Variants in CELA2B observed in about 807,000 individuals in gnomAD.
CELA2B encodes the protein chymotrypsin like elastase 2B.
Under a neutral mutation model 36.5 loss-of-function variants are expected in CELA2B, and 27 were observed. The observed-to-expected ratio is 0.74, with a 90% CI of 0.55 to 1.02. The LOEUF is 1.02. CELA2B is among the 50% of genes least tolerant of loss of function. The pLI is 0.00. For missense variants in CELA2B, 340 were observed against 347.8 expected (o/e 0.98, Z 0.18); for synonymous variants, 143 against 148.5 (o/e 0.96, Z 0.27).
rs754424208 is a variant in CELA2B at position 15,476,551 on chromosome 1, T to C, written c.129+6T>C. ...CCAACAGCTGGCCCTGGCAGGTGAG[T>C]TGACCACACTGTACTTCTCCCCGTC... is the stretch of plus-strand genomic sequence containing the variant. On this transcript the variant is annotated splice_donor_region_variant and intron_variant, in intron 2 of 7. Coordinates refer to ENST00000375910, the MANE Select transcript of CELA2B (RefSeq NM_015849.3). The C allele has an allele frequency of 2.5e-6, 4 of 1,612,862 alleles. No individual in the cohort carries two copies. Among genetic ancestry groups the C allele is most frequent in the South Asian group, 2.2e-5 (2 of 91,026 alleles).
intron 2 of CELA2B, among the ~76,000 whole-genome samples, chr1:15,476,775 A>G (rs1436536805): frequency 6.6e-6 from 1 of 152,004 alleles, no homozygotes; most frequent in Non-Finnish European, 1.5e-5. Context: ...CTGAAGTCAG[A>G]AGTTTGAGCC....
intron 3 of CELA2B, chr1:15,481,808 T>C: frequency 2.1e-6 from 1 of 468,394 alleles, no homozygotes; most frequent in Non-Finnish European, 4.4e-6. Context: ...TAATAAGCTC[T>C]AGGAGGTGAT....
chr1:15,478,217 T>TATATATATATATATATATATATATATA lies in CELA2B; in HGVS notation c.129+1672_129+1673insATATATATATATATATATATATATATA, dbSNP rs1491212485. The stretch of plus-strand genomic sequence containing the variant: ...AGGCTGAGGCATATATATATATATA[T>TATATATATATATATATATATATATATA]TGGGATATATAGTTTGTTTGTTTGT... On this transcript the variant is annotated intron_variant, in intron 2 of 7. Transcript: ENST00000375910. 2.5e-4 allele frequency among the ~76,000 whole-genome samples: 12 copies of TATATATATATATATATATATATATATA among 48,506 alleles called. 1 individual carries two copies. Among genetic ancestry groups the TATATATATATATATATATATATATATA allele is most frequent in the African/African-American group, 9.2e-4 (12 of 13,068 alleles). 31.8% of individuals were successfully genotyped at this position (48,506 alleles called of 152,430 possible). A position where few individuals can be genotyped will look rare whatever the true frequency, so the allele number is the denominator to read the frequency against.
rs776420298 is a variant in CELA2B at position 15,487,279 on chromosome 1, C to T, written c.640-6C>T. The T allele has an allele frequency of 6.2e-7, 1 of 1,614,066 alleles. No individual in the cohort carries two copies. Among genetic ancestry groups the T allele is most frequent in the South Asian group, 1.1e-5 (1 of 91,080 alleles). ...TTCAACTCCCTATAACTCTGGCCTT[C>T]CTCAGGGAGACTCCGGTGGGCCGCT... is the stretch of plus-strand genomic sequence containing the variant. On this transcript the variant is annotated splice_polypyrimidine_tract_variant and splice_region_variant and intron_variant, in intron 6 of 7. Transcript: ENST00000375910.
Position 15,479,598 on chromosome 1 carries a change from C to T in CELA2B, c.130-1500C>T, listed in dbSNP as rs538812263. Reference sequence around the variant, plus strand: ...GACAATAAACAACTGAATAGGTAAACTAATAACACGCCGGAAAACGAAAGA... The same window carrying T: ...GACAATAAACAACTGAATAGGTAAATTAATAACACGCCGGAAAACGAAAGA... On this transcript the variant is annotated intron_variant, in intron 2 of 7. Coordinates refer to ENST00000375910, the MANE Select transcript of CELA2B (RefSeq NM_015849.3). 6.4e-4 allele frequency among the ~76,000 whole-genome samples: 98 copies of T among 152,220 alleles called. 1 individual carries two copies. The highest frequency in any genetic ancestry group is 1.2e-3 in the Non-Finnish European group (81 of 67,998).
intron 3 of CELA2B, chr1:15,481,730 C>G: frequency 2.1e-6 from 1 of 469,852 alleles, no homozygotes; most frequent in South Asian, 1.6e-5. Flanking sequence ...ACAGCTGGAA[C>G]TCACCGGAGT....
chr1:15,483,116 C>T (rs1708762316), intron 4 of CELA2B, 148 bp from the exon 5 acceptor site: 2 of 1,276,470 alleles, frequency 1.6e-6, no homozygotes, highest in South Asian at 3.0e-5. Context: ...CGACCCTCTA[C>T]ATTTTCAAAC....
Position 15,487,432 on chromosome 1 carries a change from A to G in CELA2B, c.787A>G (p.Asn263Asp). Residue 263 changes from asparagine (N) to aspartate (D), a missense_variant, in exon 7 of 8, where the codon AAT (asparagine) becomes GAT (aspartate). Physicochemically the swap from Asn to Asp is conservative, Grantham distance 23. Transcript: ENST00000375910. ...TRVSNYNDWI[N>D]SVIANN ...GGTCTCCAACTACAACGACTGGATC[A>G]ATTCGGTAAGAACCGGAGCAGCCCT... 1 of 1,614,254 alleles carries G rather than the reference A, an allele frequency of 6.2e-7. No homozygotes were observed. Among genetic ancestry groups the G allele is most frequent in the Non-Finnish European group, 8.5e-7 (1 of 1,180,048 alleles).
intron 2 of CELA2B, among the ~76,000 whole-genome samples, chr1:15,477,930 A>T (rs1358099687): frequency 6.6e-6 from 1 of 152,220 alleles, no homozygotes; most frequent in Non-Finnish European, 1.5e-5. Flanking sequence ...AGCCTTGAGC[A>T]TTCAGAGTGA....
At chr1:15,476,573 C>T (rs747448590) in intron 2 of CELA2B, 28 bp downstream of exon 2, 16 of 1,600,998 alleles carry the variant, frequency 1.0e-5, no homozygotes, top group Admixed American at 3.3e-5. Context: ...TACTTCTCCC[C>T]GTCCCTGCCC....
chr1:15,483,433 A>C (rs764155845), intron 5 of CELA2B, 33 bp downstream of exon 5: 12 of 1,613,066 alleles, frequency 7.4e-6, no homozygotes, highest in African/African-American at 1.3e-5. Flanking sequence ...CAGGCCTGGG[A>C]GGGAAGGGAG....
In CELA2B at chr1:15,478,369, T is replaced by G. The variant is rs148287927; in HGVS notation, c.129+1824T>G. On this transcript the variant is annotated intron_variant, in intron 2 of 7. Coordinates refer to ENST00000375910, the MANE Select transcript of CELA2B (RefSeq NM_015849.3). ...AGTGATTCTCCTGCCTCAGCCTCTGTAGTAGCTGGGATTACAGGCACGCAC... is the reference window on the plus strand; with the variant it reads ...AGTGATTCTCCTGCCTCAGCCTCTGGAGTAGCTGGGATTACAGGCACGCAC... 4.7e-3 allele frequency among the ~76,000 whole-genome samples: 712 copies of G among 150,906 alleles called. 7 individuals carry two copies. Among genetic ancestry groups the G allele is most frequent in the East Asian group, 0.022 (114 of 5,068 alleles).
At chr1:15,483,541 C>A in intron 5 of CELA2B, 141 bp downstream of exon 5, 2 of 1,368,100 alleles carry the variant, frequency 1.5e-6, no homozygotes, top group African/African-American at 1.4e-5. Flanking sequence ...CTGATGTCTG[C>A]CTGGGTTCAA....
At chr1:15,485,726 A>G in intron 5 of CELA2B, 175 bp from the exon 6 acceptor site, 1 of 786,846 alleles carries the variant, frequency 1.3e-6, no homozygotes, top group Non-Finnish European at 2.1e-6. Flanking sequence ...TGAACCAATC[A>G]CCAGTGGCCA....
rs1187512251 is a variant in CELA2B, at chr1:15,486,001, G to C, written c.594G>C (p.Thr198=). ...SSGWWGSTVK[T]NMICAGGDGV... ...GCTGGTGGGGCAGCACCGTGAAGAC[G>C]AATATGATCTGTGCTGGGGGTGATG... The change falls in exon 6 of 8, where the codon ACG becomes ACC. Residue 198 remains threonine (T), a synonymous_variant. Transcript: ENST00000375910. The C allele has an allele frequency of 2.5e-6, 4 of 1,614,156 alleles. No homozygotes were observed. The South Asian group carries it at 4.4e-5, about 18-fold the overall frequency.
intron 5 of CELA2B, 32 bp from the exon 6 acceptor site, chr1:15,485,869 G>C (rs373761038): frequency 6.2e-7 from 1 of 1,611,522 alleles, no homozygotes; most frequent in South Asian, 1.1e-5. Context: ...GAGTCCCTGC[G>C]TCCCTAATGG....
chr1:15,488,252 T>C (rs548575448), intron 7 of CELA2B, among the ~76,000 whole-genome samples: 5 of 151,830 alleles, frequency 3.3e-5, no homozygotes, highest in East Asian at 1.9e-4. Context: ...TTAGCCATGG[T>C]GGTGCATGCC....
At position 15,485,366 on chromosome 1, in the gene CELA2B, G is replaced by C. The variant is rs571763954; in HGVS notation, c.494-535G>C. On this transcript the variant is annotated intron_variant, in intron 5 of 7. Transcript: ENST00000375910. ...AGGAGGGGGCTCTAACTGCCAGGAG[G>C]CTCACTTTCTTATTTCAGATAAGTG... is the stretch of plus-strand genomic sequence containing the variant. Among the ~76,000 whole-genome samples, 131 of 148,656 alleles carry C rather than the reference G, an allele frequency of 8.8e-4. No homozygotes were observed. In the Middle Eastern group the frequency reaches 0.014, roughly 16 times the overall value.
chr1:15,491,211 C>A lies in CELA2B; in HGVS notation c.793-84C>A, dbSNP rs937174298. On this transcript the variant is annotated intron_variant, in intron 7 of 7. Coordinates refer to ENST00000375910, the MANE Select transcript of CELA2B (RefSeq NM_015849.3). ...CTGTGACTCACTTGAGTAGCTTAGC[C>A]CAGGAGGACAGAGACAGGAAACTGC... 11 of 1,550,018 alleles carry A rather than the reference C, an allele frequency of 7.1e-6. No homozygotes were observed. In the African/African-American group the frequency reaches 1.5e-4, roughly 21 times the overall value.
Sources: gnomAD v4.1 joint callset for allele counts (sites outside exome capture counted in the v4.1 genomes callset) on GRCh38, gnomAD v4.1.1 for gene constraint, MANE v1.5 for transcripts, NCBI Gene and HGNC (gene_info 2026-07-23, HGNC 2026-07-21) for gene names.